DPP10: variants seen among roughly 807,000 people sequenced by gnomAD.
DPP10 encodes the protein dipeptidyl peptidase like 10.
In DPP10, 33 loss-of-function variants were observed where a neutral mutation model predicts 120.9. The observed-to-expected ratio is 0.27, with a 90% CI of 0.21 to 0.37. The LOEUF (loss-of-function observed/expected upper bound fraction) is 0.37. Among genes scored for constraint, DPP10 ranks in the 10% least tolerant of loss-of-function variants. The pLI is 1.00. For synonymous variants in DPP10, 337 were observed against 326.1 expected, an observed-to-expected ratio of 1.03 and a Z score of -0.36; for missense variants, 816 against 942.8, an observed-to-expected ratio of 0.87 and a Z score of 1.76.
At chr2:115,029,227 A>G (rs1334883636) in intron 1 of DPP10, among the ~76,000 whole-genome samples, 1 of 151,126 alleles carries the variant, frequency 6.6e-6, no homozygotes, top group Non-Finnish European at 1.5e-5. Context: ...AATCTGTTTT[A>G]AATTTGTTGC....
chr2:114,652,706 T>G (rs1232491356), intron 1 of DPP10, among the ~76,000 whole-genome samples: 1 of 152,166 alleles, frequency 6.6e-6, no homozygotes, highest in Non-Finnish European at 1.5e-5. Flanking sequence ...TTTCCCCAAG[T>G]ATGCTCTTTC....
intron 1 of DPP10, among the ~76,000 whole-genome samples, chr2:114,891,521 G>T (rs1316018746): frequency 2.0e-5 from 3 of 152,212 alleles, no homozygotes; most frequent in African/African-American, 4.8e-5. Context: ...AATGCCACAA[G>T]TAGGCAGACT....
chr2:114,574,391 TA>T (rs1193190726), intron 1 of DPP10, among the ~76,000 whole-genome samples: 1 of 152,132 alleles, frequency 6.6e-6, no homozygotes, highest in Non-Finnish European at 1.5e-5. Flanking sequence ...ACCACTCTCC[TA>T]AAGACCCGTC....
intron 1 of DPP10, among the ~76,000 whole-genome samples, chr2:114,969,746 GA>G (rs1003399594): frequency 3.3e-5 from 5 of 151,870 alleles, no homozygotes; most frequent in African/African-American, 1.2e-4. Context: ...ACAAACAAAC[GA>G]AAAAAACACT....
chr2:115,115,682 G>A (rs1001048900), intron 1 of DPP10, among the ~76,000 whole-genome samples: 12 of 152,224 alleles, frequency 7.9e-5, no homozygotes, highest in African/African-American at 2.4e-4. Flanking sequence ...TCTCTGAAAC[G>A]TACCGCATGG....
chr2:115,645,686 G>C (rs899453545), intron 5 of DPP10, among the ~76,000 whole-genome samples: 2 of 152,044 alleles, frequency 1.3e-5, no homozygotes, highest in African/African-American at 4.8e-5. Context: ...TCAAAATATA[G>C]AAAGTAAACA....
At chr2:114,568,345 C>T (rs538107633) in intron 1 of DPP10, among the ~76,000 whole-genome samples, 3 of 152,156 alleles carry the variant, frequency 2.0e-5, no homozygotes, top group Admixed American at 6.5e-5. Flanking sequence ...AATCAAAATA[C>T]GATTGCTGAG....
intron 1 of DPP10, among the ~76,000 whole-genome samples, chr2:115,009,964 T>C (rs1702142939): frequency 6.6e-6 from 1 of 152,228 alleles, no homozygotes; most frequent in South Asian, 2.1e-4. Flanking sequence ...CAAAACTTAC[T>C]AGTTCCTTTT....
At chr2:114,810,357 G>A (rs781425972) in intron 1 of DPP10, among the ~76,000 whole-genome samples, 27 of 152,120 alleles carry the variant, frequency 1.8e-4, no homozygotes, top group Admixed American at 1.4e-3. Flanking sequence ...CTGAACAAGC[G>A]CCTTCTGGAG....
At chr2:115,520,315 C>CA (rs1212866031) in intron 4 of DPP10, among the ~76,000 whole-genome samples, 3 of 152,044 alleles carry the variant, frequency 2.0e-5, no homozygotes, top group African/African-American at 4.8e-5. Flanking sequence ...GAGACTCCAT[C>CA]AAAAAACAAA....
chr2:115,193,135 A>G (rs1430384020), intron 1 of DPP10, among the ~76,000 whole-genome samples: 1 of 152,200 alleles, frequency 6.6e-6, no homozygotes, highest in Non-Finnish European at 1.5e-5. Flanking sequence ...TTTAAATTAT[A>G]CAACATTTCT....
intron 3 of DPP10, among the ~76,000 whole-genome samples, chr2:115,398,996 T>C (rs2067875626): frequency 6.6e-6 from 1 of 152,150 alleles, no homozygotes; most frequent in African/African-American, 2.4e-5. Context: ...GTTACAGCTT[T>C]CCATCCCTTT....
Position 115,814,847 on chromosome 2 carries a change from T to C in DPP10, c.1755T>C (p.Asp585=), listed in dbSNP as rs772889242. 1 of 1,605,258 alleles carries C rather than the reference T, an allele frequency of 6.2e-7. No homozygotes were observed. Among genetic ancestry groups the C allele is most frequent in the Admixed American group, 1.7e-5 (1 of 59,950 alleles). ...LVTDKFHIDW[D]SVLIDMDNVI... ...CAGATAAGTTCCATATTGACTGGGA[T>C]TCCGTACTCATTGACATGGATAATG... Residue 585 remains aspartate (D), a synonymous_variant, in exon 20 of 26, where the codon GAT becomes GAC. Transcript: ENST00000410059.
At chr2:115,241,883 T>A (rs1484621062) in intron 1 of DPP10, among the ~76,000 whole-genome samples, 1 of 152,206 alleles carries the variant, frequency 6.6e-6, no homozygotes, top group Non-Finnish European at 1.5e-5. Flanking sequence ...CATAAAGATT[T>A]TAATATACTA....
At position 115,009,266 on chromosome 2, in the gene DPP10, C is replaced by T. The variant is rs544944418; in HGVS notation, c.61-299973C>T. Among the ~76,000 whole-genome samples the T allele has an allele frequency of 6.8e-4, 103 of 151,820 alleles. No individual in the cohort carries two copies. The Middle Eastern group carries it at 0.01, about 15-fold the overall frequency. ...ATGCAGCCATAAAAAACGATGAGTT[C>T]ATGTCCTTTGTAGGGACATGGATGA... On this transcript the variant is annotated intron_variant, in intron 1 of 25. Coordinates refer to ENST00000410059, the MANE Select transcript of DPP10 (RefSeq NM_020868.6).
chr2:114,808,885 A>T (rs191793726), intron 1 of DPP10, among the ~76,000 whole-genome samples: 1 of 152,268 alleles, frequency 6.6e-6, no homozygotes, highest in East Asian at 1.9e-4. Flanking sequence ...CTTTAATGCT[A>T]TTCTGTTTTC....
At chr2:115,476,293 C>T (rs2075073529) in intron 3 of DPP10, among the ~76,000 whole-genome samples, 1 of 152,124 alleles carries the variant, frequency 6.6e-6, no homozygotes, top group Admixed American at 6.6e-5. Flanking sequence ...GGTACCTCTC[C>T]ACTTTCCCTC....
intron 3 of DPP10, among the ~76,000 whole-genome samples, chr2:115,476,480 C>T (rs1268424862): frequency 1.3e-5 from 2 of 152,094 alleles, no homozygotes; most frequent in Non-Finnish European, 2.9e-5. Flanking sequence ...TTATTTGTAG[C>T]AGTACAAGAA....
intron 2 of DPP10, among the ~76,000 whole-genome samples, chr2:115,323,294 C>G (rs1006904781): frequency 6.6e-6 from 1 of 152,154 alleles, no homozygotes; most frequent in Non-Finnish European, 1.5e-5. Flanking sequence ...GAAAAAACTC[C>G]TCGTTCATTC....
Sources: gnomAD v4.1 joint callset for allele counts (sites outside exome capture counted in the v4.1 genomes callset) on GRCh38, gnomAD v4.1.1 for gene constraint, MANE v1.5 for transcripts, NCBI Gene and HGNC (gene_info 2026-07-23, HGNC 2026-07-21) for gene names.